DLG2: variants seen among roughly 807,000 people sequenced by gnomAD.
The protein encoded by DLG2 is disks large homolog 2.
In DLG2, 45 loss-of-function variants were observed where a neutral mutation model predicts 132.5. The ratio of observed to expected loss-of-function variants is 0.34; its 90% CI spans 0.27 to 0.44. The LOEUF is 0.44. DLG2 is among the 20% of genes least tolerant of loss of function. The probability of loss-of-function intolerance (pLI) is 1.00; values close to 1 mark genes in which losing one functional copy is unlikely to be tolerated. For missense variants in DLG2, 1,045 were observed against 1,196.9 expected (o/e 0.87, Z 1.87); for synonymous variants, 424 against 419.6 (o/e 1.01, Z -0.13).
At chr11:84,031,661 G>A (rs1426957838) in intron 11 of DLG2, among the ~76,000 whole-genome samples, 1 of 152,156 alleles carries the variant, frequency 6.6e-6, no homozygotes, top group Non-Finnish European at 1.5e-5. Flanking sequence ...CACAATAGGT[G>A]CTTCATATGT....
chr11:84,942,848 A>AT (rs2049641361), intron 6 of DLG2, among the ~76,000 whole-genome samples: 2 of 151,678 alleles, frequency 1.3e-5, no homozygotes, highest in African/African-American at 4.8e-5. Context: ...CTGTATTGAG[A>AT]TTTTTCCCTC....
At chr11:85,430,629 ATTT>A (rs2091110808) in intron 3 of DLG2, among the ~76,000 whole-genome samples, 1 of 152,108 alleles carries the variant, frequency 6.6e-6, no homozygotes, top group African/African-American at 2.4e-5. Context: ...CTCCCAAAAT[ATTT>A]GCTTGGTAGC....
At chr11:84,177,823 C>T (rs1220570114) in intron 8 of DLG2, among the ~76,000 whole-genome samples, 1 of 151,992 alleles carries the variant, frequency 6.6e-6, no homozygotes, top group Non-Finnish European at 1.5e-5. Flanking sequence ...GAACAGTAGT[C>T]TGGCACATGA....
At chr11:84,987,829 T>C (rs1172287308) in intron 6 of DLG2, among the ~76,000 whole-genome samples, 1 of 152,178 alleles carries the variant, frequency 6.6e-6, no homozygotes, top group Non-Finnish European at 1.5e-5. Context: ...GATGATAACA[T>C]TGGAAAATCC....
At chr11:85,351,067 T>C (rs1302890204) in intron 3 of DLG2, among the ~76,000 whole-genome samples, 1 of 152,250 alleles carries the variant, frequency 6.6e-6, no homozygotes, top group East Asian at 1.9e-4. Context: ...CATTTGTTTG[T>C]GTCCTCTTTT....
intron 4 of DLG2, among the ~76,000 whole-genome samples, chr11:85,268,233 T>A (rs955003941): frequency 6.6e-6 from 1 of 152,184 alleles, no homozygotes; most frequent in Non-Finnish European, 1.5e-5. Flanking sequence ...CCATTCTATT[T>A]AAAGCCATCC....
At chr11:83,833,524 A>C (rs1595124913) in intron 17 of DLG2, 90 bp downstream of exon 17, 1 of 1,348,678 alleles carries the variant, frequency 7.4e-7, no homozygotes, top group East Asian at 2.3e-5. Flanking sequence ...TTTGTAATTA[A>C]GGTGCTTTTG....
At chr11:83,710,782 G>C (rs12272853) in intron 18 of DLG2, among the ~76,000 whole-genome samples, 1 of 152,054 alleles carries the variant, frequency 6.6e-6, no homozygotes, top group Non-Finnish European at 1.5e-5. Flanking sequence ...TATTTTTCTA[G>C]TAGCGAGAAG....
At chr11:84,217,232 G>A (rs1353359674) in intron 8 of DLG2, among the ~76,000 whole-genome samples, 1 of 152,164 alleles carries the variant, frequency 6.6e-6, no homozygotes, top group Non-Finnish European at 1.5e-5. Flanking sequence ...GGTTGGCTGT[G>A]TCCCCACCCA....
intron 6 of DLG2, among the ~76,000 whole-genome samples, chr11:85,109,746 T>C (rs1275876912): frequency 4.6e-5 from 7 of 152,116 alleles, no homozygotes; most frequent in Non-Finnish European, 7.4e-5. Flanking sequence ...TTTCCAGCAA[T>C]TGGCATAGTA....
chr11:84,352,092 G>A (rs76916177), intron 7 of DLG2, among the ~76,000 whole-genome samples: 1,558 of 152,252 alleles, frequency 0.01, 16 homozygotes, highest in Non-Finnish European at 0.017. Context: ...AACAAATGAG[G>A]CAATGCAGTC....
chr11:85,328,618 C>T (rs1288974731), intron 3 of DLG2, among the ~76,000 whole-genome samples: 4 of 124,114 alleles, frequency 3.2e-5, no homozygotes, highest in South Asian at 2.9e-4. Context: ...ATTGATGGGA[C>T]GTATTTCAAA....
At chr11:85,299,222 G>C (rs1431163716) in intron 3 of DLG2, among the ~76,000 whole-genome samples, 1 of 152,180 alleles carries the variant, frequency 6.6e-6, no homozygotes, top group African/African-American at 2.4e-5. Flanking sequence ...CTCAGGAAGA[G>C]AGAGGTTGAG....
intron 3 of DLG2, among the ~76,000 whole-genome samples, chr11:85,354,647 C>T (rs917386091): frequency 2.0e-5 from 3 of 151,748 alleles, no homozygotes; most frequent in African/African-American, 7.3e-5. Flanking sequence ...TGGTTTAGTA[C>T]TTGGTATGCT....
intron 6 of DLG2, chr11:84,936,642 C>T (rs1244593409): frequency 6.6e-6 from 1 of 152,030 alleles, no homozygotes; most frequent in African/African-American, 2.4e-5. Flanking sequence ...CAGTAGTTAT[C>T]TTAAAATTAC....
At chr11:84,670,819 T>TG (rs2099705041) in intron 6 of DLG2, among the ~76,000 whole-genome samples, 1 of 151,030 alleles carries the variant, frequency 6.6e-6, no homozygotes, top group East Asian at 1.9e-4. Context: ...TGTGGACTCA[T>TG]AGTCCAAAGC....
At chr11:85,589,468 G>C (rs2079175260) in intron 3 of DLG2, among the ~76,000 whole-genome samples, 2 of 152,160 alleles carry the variant, frequency 1.3e-5, no homozygotes, top group South Asian at 2.1e-4. Context: ...ACTGGGTATA[G>C]AGAAATACTG....
intron 3 of DLG2, among the ~76,000 whole-genome samples, chr11:85,564,859 T>G (rs1311948135): frequency 6.6e-6 from 1 of 152,048 alleles, no homozygotes; most frequent in African/African-American, 2.4e-5. Context: ...AATATTGAAT[T>G]TCCCAAGCAA....
intron 3 of DLG2, among the ~76,000 whole-genome samples, chr11:85,493,436 C>T (rs2093605946): frequency 6.6e-6 from 1 of 152,168 alleles, no homozygotes; most frequent in South Asian, 2.1e-4. Flanking sequence ...TCTTTGACCT[C>T]ATCCAAAATA....
Sources: allele counts gnomAD v4.1 joint callset (sites outside exome capture counted in the v4.1 genomes callset), GRCh38; gene constraint gnomAD v4.1.1; transcripts MANE v1.5; gene names NCBI Gene and HGNC (gene_info 2026-07-23, HGNC 2026-07-21).